TBC1D15: variants seen among roughly 807,000 people sequenced by gnomAD.
TBC1D15 encodes GAP for RAB7.
Under a neutral mutation model 95.4 loss-of-function variants are expected in TBC1D15, and 39 were observed. The observed-to-expected ratio is 0.41, with a 90% CI of 0.32 to 0.53. TBC1D15 has a LOEUF of 0.53. Among genes scored for constraint, TBC1D15 ranks in the 20% least tolerant of loss-of-function variants. The pLI, the probability that TBC1D15 is intolerant of heterozygous loss-of-function variation, is 0.29. For synonymous variants in TBC1D15, 258 were observed against 261.3 expected (o/e 0.99, Z 0.12); for missense variants, 733 against 794.3 (o/e 0.92, Z 0.93).
intron 6 of TBC1D15, 116 bp downstream of exon 6, chr12:71,893,440 ATGTGTG>A (rs76543669): frequency 8.5e-6 from 4 of 470,052 alleles, no homozygotes; most frequent in African/African-American, 4.1e-5. Flanking sequence ...ATACATAGAT[ATGTGTG>A]TGTGTGTGTG....
intron 10 of TBC1D15, among the ~76,000 whole-genome samples, chr12:71,900,532 A>T (rs1400566481): frequency 1.3e-5 from 2 of 152,124 alleles, no homozygotes; most frequent in Non-Finnish European, 2.9e-5. Context: ...GATATTTCTG[A>T]AAACCAAATT....
intron 11 of TBC1D15, chr12:71,913,335 C>T (rs1902873827): frequency 6.6e-6 from 1 of 152,572 alleles, no homozygotes; most frequent in Admixed American, 6.6e-5. Context: ...TTTTATGTGG[C>T]TTACTCATGG....
At chr12:71,892,983 GT>G (rs892067760) in intron 5 of TBC1D15, among the ~76,000 whole-genome samples, 5 of 151,184 alleles carry the variant, frequency 3.3e-5, no homozygotes. Context: ...CTTTATATTT[GT>G]TTTATTTACG....
intron 3 of TBC1D15, among the ~76,000 whole-genome samples, chr12:71,877,502 T>C (rs1894159515): frequency 1.5e-5 from 1 of 64,646 alleles, no homozygotes; most frequent in African/African-American, 1.3e-4. Context: ...TGTTTTTCCT[T>C]CCTTCCTTCC....
intron 12 of TBC1D15, among the ~76,000 whole-genome samples, chr12:71,915,715 T>C (rs1194103502): frequency 6.6e-6 from 1 of 152,180 alleles, no homozygotes; most frequent in Admixed American, 6.6e-5. Flanking sequence ...AAATGCTCTC[T>C]GTGTTTGCCT....
At chr12:71,848,894 T>A (rs1471046989) in intron 1 of TBC1D15, among the ~76,000 whole-genome samples, 1 of 152,184 alleles carries the variant, frequency 6.6e-6, no homozygotes, top group Non-Finnish European at 1.5e-5. Context: ...CTTTTCTTGT[T>A]ATGTATAAAT....
intron 6 of TBC1D15, chr12:71,894,213 A>G: frequency 2.4e-6 from 2 of 843,232 alleles, no homozygotes; most frequent in Non-Finnish European, 3.8e-6. Flanking sequence ...ATATAATTAG[A>G]TTAAAATGTC....
At chr12:71,866,889 TA>T (rs1439059021) in intron 1 of TBC1D15, among the ~76,000 whole-genome samples, 1 of 152,246 alleles carries the variant, frequency 6.6e-6, no homozygotes, top group Non-Finnish European at 1.5e-5. Context: ...TCTGTTTTTG[TA>T]TTTTGGGCTA....
rs146201342 is a variant in TBC1D15 at position 71,878,266 on chromosome 12, T to C, written c.205-2203T>C. Among the ~76,000 whole-genome samples, 43 of 152,306 alleles carry C rather than the reference T, an allele frequency of 2.8e-4. No homozygotes were observed. In the East Asian group the frequency reaches 8.1e-3, roughly 29 times the overall value. ...TGTTTGATTTTTCCTAATTTAGAGATAAATGATGTTTTCCAAAACTCCAGC... is the reference window on the plus strand; with the variant it reads ...TGTTTGATTTTTCCTAATTTAGAGACAAATGATGTTTTCCAAAACTCCAGC... On this transcript the variant is annotated intron_variant, in intron 3 of 16. Coordinates refer to ENST00000485960, the MANE Select transcript of TBC1D15 (RefSeq NM_001146213.3).
At chr12:71,854,770 C>T (rs189560155) in intron 1 of TBC1D15, 2 of 456,668 alleles carry the variant, frequency 4.4e-6, no homozygotes, top group Non-Finnish European at 8.8e-6. Flanking sequence ...CTCTCCCCCC[C>T]ACCTTCTTTT....
chr12:71,849,497 G>T (rs1887213288), intron 1 of TBC1D15: 1 of 783,296 alleles, frequency 1.3e-6, no homozygotes, highest in African/African-American at 1.7e-5. Flanking sequence ...TTACTCCAAA[G>T]AGCGAAAGAG....
chr12:71,855,751 A>T (rs1888906846), intron 1 of TBC1D15, among the ~76,000 whole-genome samples: 1 of 151,898 alleles, frequency 6.6e-6, no homozygotes, highest in Non-Finnish European at 1.5e-5. Context: ...CTCCTAAGAA[A>T]CAGTTATCCT....
chr12:71,848,660 TATATAAAA>T (rs1391602955), intron 1 of TBC1D15, among the ~76,000 whole-genome samples: 1 of 152,278 alleles, frequency 6.6e-6, no homozygotes, highest in African/African-American at 2.4e-5. Context: ...TTATTCATCT[TATATAAAA>T]GGGGGGCCAA....
intron 10 of TBC1D15, among the ~76,000 whole-genome samples, chr12:71,900,684 A>T (rs1899182159): frequency 6.6e-6 from 1 of 152,178 alleles, no homozygotes; most frequent in African/African-American, 2.4e-5. Context: ...AGGAGTTTTC[A>T]TTCCTGTGGA....
intron 4 of TBC1D15, among the ~76,000 whole-genome samples, chr12:71,882,307 A>G (rs1895359167): frequency 6.6e-6 from 1 of 152,178 alleles, no homozygotes; most frequent in African/African-American, 2.4e-5. Context: ...TGTTTTGGAA[A>G]TATTCCTTCC....
chr12:71,879,965 G>A (rs1894802027), intron 3 of TBC1D15, among the ~76,000 whole-genome samples: 1 of 152,106 alleles, frequency 6.6e-6, no homozygotes, highest in African/African-American at 2.4e-5. Context: ...TTTAAAGATG[G>A]AAAATTCTAT....
At chr12:71,894,283 CA>C (rs776214957) in intron 6 of TBC1D15, 15 of 1,563,656 alleles carry the variant, frequency 9.6e-6, no homozygotes, top group Non-Finnish European at 1.3e-5. Flanking sequence ...GTCAGAATAG[CA>C]TGGTGGTACA....
chr12:71,839,794 G>A lies in TBC1D15; in HGVS notation c.13G>A (p.Gly5Ser). 1.2e-6 allele frequency: 2 copies of A among 1,614,200 alleles called. No individual in the cohort carries two copies. Among genetic ancestry groups the A allele is most frequent in the South Asian group, 1.1e-5 (1 of 91,076 alleles). The change falls in exon 1 of 17, where the codon GGT (glycine) becomes AGT (serine). Residue 5 changes from glycine to serine, a missense_variant. Physicochemically the swap from Gly to Ser is moderately conservative, Grantham distance 56. Transcript: ENST00000485960. ...ACGCGCAGGAAACATGGCGGCGGCG[G>A]GTGTTGTGAGCGGGAAGGTAGGTAA... Reference protein sequence around the residue: MAAAGVVSGKIIYEQ... With the variant: MAAASVVSGKIIYEQ...
chr12:71,912,570 G>A (rs1902655665), intron 11 of TBC1D15, among the ~76,000 whole-genome samples: 1 of 152,068 alleles, frequency 6.6e-6, no homozygotes, highest in African/African-American at 2.4e-5. Context: ...AAGAGATTTA[G>A]TTTACCTGCT....
Sources: allele counts gnomAD v4.1 joint callset (sites outside exome capture counted in the v4.1 genomes callset), GRCh38; gene constraint gnomAD v4.1.1; transcripts MANE v1.5; gene names NCBI Gene and HGNC (gene_info 2026-07-23, HGNC 2026-07-21).